The following ANKRD13C variants were observed in gnomAD, a reference collection of about 807,000 sequenced individuals.
ANKRD13C encodes ankyrin repeat domain-containing protein 13C.
Under a neutral mutation model 65.5 loss-of-function variants are expected in ANKRD13C, and 16 were observed. The observed-to-expected ratio is 0.24, with a 90% CI of 0.17 to 0.37. The LOEUF (loss-of-function observed/expected upper bound fraction) is 0.37. Among genes scored for constraint, ANKRD13C ranks in the 10% least tolerant of loss-of-function variants. The probability of loss-of-function intolerance (pLI) is 1.00; values close to 1 mark genes in which losing one functional copy is unlikely to be tolerated. For missense variants in ANKRD13C, 503 were observed against 655.9 expected, an observed-to-expected ratio of 0.77 and a Z score of 2.55; for synonymous variants, 235 against 238.7, an observed-to-expected ratio of 0.98 and a Z score of 0.14.
At chr1:70,294,408 C>A (rs1349327584) in intron 8 of ANKRD13C, among the ~76,000 whole-genome samples, 1 of 152,096 alleles carries the variant, frequency 6.6e-6, no homozygotes, top group African/African-American at 2.4e-5. Flanking sequence ...TGGTCAAACG[C>A]CAGTCTAGAT....
At chr1:70,302,396 A>C (rs1490325814) in intron 6 of ANKRD13C, among the ~76,000 whole-genome samples, 1 of 152,112 alleles carries the variant, frequency 6.6e-6, no homozygotes, top group Admixed American at 6.5e-5. Flanking sequence ...TTTACTATTA[A>C]ATAACACCTA....
chr1:70,276,509 A>C (rs758561975), intron 10 of ANKRD13C, among the ~76,000 whole-genome samples: 2 of 152,174 alleles, frequency 1.3e-5, no homozygotes, highest in Non-Finnish European at 2.9e-5. Context: ...AGTGTCTTTT[A>C]GTTTTTTAGG....
intron 5 of ANKRD13C, among the ~76,000 whole-genome samples, chr1:70,307,253 C>A (rs1202837584): frequency 1.3e-5 from 2 of 152,046 alleles, no homozygotes; most frequent in Non-Finnish European, 2.9e-5. Context: ...ATACCTAATG[C>A]AGGCCCGGTA....
At chr1:70,262,925 T>C (rs918052946) in intron 12 of ANKRD13C, 78 bp from the exon 13 acceptor site, 10 of 992,392 alleles carry the variant, frequency 1.0e-5, no homozygotes, top group African/African-American at 2.1e-5. Context: ...ATTGGAGATG[T>C]CCATACTCCT....
chr1:70,283,568 G>T (rs1305346860), intron 9 of ANKRD13C, among the ~76,000 whole-genome samples: 2 of 151,922 alleles, frequency 1.3e-5, no homozygotes, highest in East Asian at 3.9e-4. Context: ...TGTAATCCCA[G>T]CACTTTAGGA....
At chr1:70,296,044 C>A (rs1313339928) in intron 8 of ANKRD13C, 86 bp downstream of exon 8, 2 of 1,481,070 alleles carry the variant, frequency 1.4e-6, no homozygotes, top group Admixed American at 4.3e-5. Context: ...ATTCTGTAAG[C>A]TACTTCTTGC....
chr1:70,296,172 G>A lies in ANKRD13C; in HGVS notation c.1011C>T (p.Phe337=). The A allele has an allele frequency of 6.2e-7, 1 of 1,613,996 alleles. No individual in the cohort carries two copies. The highest frequency in any genetic ancestry group is 8.5e-7 in the Non-Finnish European group (1 of 1,179,930). Residue 337 remains phenylalanine, a synonymous_variant, in exon 8 of 13, where the codon TTC becomes TTT. Transcript: ENST00000370944. ...AAAGCCATCCTGTCTGGGCACGCGT[G>A]AAAGAAATTGATTTTGTTGATAAAG... ...SATLSTKSIS[F]TRAQTGWLFR...
intron 5 of ANKRD13C, 29 bp from the exon 6 acceptor site, chr1:70,306,319 AT>A: frequency 7.0e-7 from 1 of 1,419,978 alleles, no homozygotes. Flanking sequence ...AAGGTAAAAA[AT>A]AACTACCTAA....
chr1:70,351,490 C>T (rs1049186944), intron 1 of ANKRD13C, among the ~76,000 whole-genome samples: 9 of 152,154 alleles, frequency 5.9e-5, no homozygotes, highest in African/African-American at 2.2e-4. Flanking sequence ...ACCTCAGCCT[C>T]CCAGGTTCAA....
chr1:70,265,637 C>T (rs776322333), intron 12 of ANKRD13C, among the ~76,000 whole-genome samples: 9 of 151,468 alleles, frequency 5.9e-5, no homozygotes, highest in South Asian at 2.1e-4. Flanking sequence ...GCCCGGGCAA[C>T]AAAGTGTTGA....
At chr1:70,289,349 C>A (rs1235505618) in intron 9 of ANKRD13C, among the ~76,000 whole-genome samples, 1 of 152,066 alleles carries the variant, frequency 6.6e-6, no homozygotes. Flanking sequence ...AGTTGTCTAT[C>A]GTAAGTTTAA....
At chr1:70,307,404 A>T (rs1324420537) in intron 5 of ANKRD13C, among the ~76,000 whole-genome samples, 2 of 151,972 alleles carry the variant, frequency 1.3e-5, no homozygotes, top group Non-Finnish European at 2.9e-5. Flanking sequence ...AGTCTCATAA[A>T]CCAGTCTCAA....
At chr1:70,277,318 C>T (rs1679184382) in intron 9 of ANKRD13C, among the ~76,000 whole-genome samples, 1 of 151,934 alleles carries the variant, frequency 6.6e-6, no homozygotes, top group Non-Finnish European at 1.5e-5. Flanking sequence ...ATTATCCGGG[C>T]GTGATGGTGA....
chr1:70,286,676 T>C (rs1363997580), intron 9 of ANKRD13C, among the ~76,000 whole-genome samples: 4 of 152,146 alleles, frequency 2.6e-5, no homozygotes, highest in Admixed American at 2.0e-4. Context: ...TAGAAAATCC[T>C]AAGTAATATA....
At chr1:70,308,717 C>A (rs1288574891) in intron 5 of ANKRD13C, among the ~76,000 whole-genome samples, 1 of 129,710 alleles carries the variant, frequency 7.7e-6, no homozygotes, top group South Asian at 2.5e-4. Context: ...CCAGCCTGGG[C>A]GACAGAGCGA....
intron 11 of ANKRD13C, among the ~76,000 whole-genome samples, chr1:70,272,544 A>G (rs928670446): frequency 2.0e-5 from 3 of 151,922 alleles, no homozygotes; most frequent in Non-Finnish European, 4.4e-5. Flanking sequence ...CTTTTTCAAG[A>G]GTAGTGGTTA....
chr1:70,262,880 A>G, intron 12 of ANKRD13C, 33 bp from the exon 13 acceptor site: 1 of 1,590,090 alleles, frequency 6.3e-7, no homozygotes, highest in Non-Finnish European at 8.6e-7. Flanking sequence ...AGCATTGTAA[A>G]ATCAAATGTT....
intron 3 of ANKRD13C, among the ~76,000 whole-genome samples, chr1:70,323,171 C>T (rs1681383799): frequency 1.3e-5 from 2 of 152,120 alleles, no homozygotes; most frequent in African/African-American, 4.8e-5. Flanking sequence ...TTTATCTTTT[C>T]CTTGAAATAA....
intron 9 of ANKRD13C, among the ~76,000 whole-genome samples, chr1:70,277,394 T>C (rs146392769): frequency 0.013 from 2,003 of 150,268 alleles, 53 homozygotes; most frequent in African/African-American, 0.046. Flanking sequence ...GAGGTGGAGG[T>C]TGCAGTGAGC....
Sources: gnomAD v4.1 joint callset for allele counts (sites outside exome capture counted in the v4.1 genomes callset) on GRCh38, gnomAD v4.1.1 for gene constraint, MANE v1.5 for transcripts, NCBI Gene and HGNC (gene_info 2026-07-23, HGNC 2026-07-21) for gene names.